LARGE1: variants seen among roughly 807,000 people sequenced by gnomAD.
The protein encoded by LARGE1 is LARGE xylosyl- and glucuronyltransferase 1, also known as xylosyl- and glucuronyltransferase LARGE1.
Under a neutral mutation model 87.6 loss-of-function variants are expected in LARGE1, and 43 were observed. The ratio of observed to expected loss-of-function variants is 0.49; its 90% CI spans 0.38 to 0.63. The LOEUF (loss-of-function observed/expected upper bound fraction) is 0.63, where lower values mean the gene tolerates loss of function less well. Among genes scored for constraint, LARGE1 ranks in the 30% least tolerant of loss-of-function variants. The probability of loss-of-function intolerance (pLI) is 0.00; values close to 1 mark genes in which losing one functional copy is unlikely to be tolerated. For synonymous variants in LARGE1, 434 were observed against 394.6 expected (o/e 1.10, Z -1.18); for missense variants, 802 against 1,000.2 (o/e 0.80, Z 2.67).
intron 11 of LARGE1, among the ~76,000 whole-genome samples, chr22:33,222,187 A>G (rs1172106354): frequency 6.6e-6 from 1 of 152,236 alleles, no homozygotes; most frequent in African/African-American, 2.4e-5. Flanking sequence ...CTAAGAAAAA[A>G]GAAAAAGGGC....
intron 5 of LARGE1, among the ~76,000 whole-genome samples, chr22:33,602,013 C>A (rs1426842525): frequency 1.3e-5 from 2 of 152,158 alleles, no homozygotes; most frequent in African/African-American, 4.8e-5. Context: ...ACTCCTTCAA[C>A]TTCTTAGCTG....
At chr22:33,773,323 A>G (rs1304822910) in intron 1 of LARGE1, among the ~76,000 whole-genome samples, 1 of 152,222 alleles carries the variant, frequency 6.6e-6, no homozygotes, top group Non-Finnish European at 1.5e-5. Flanking sequence ...GCTCTCAAAC[A>G]AACATTGAAA....
In LARGE1 at chr22:33,835,049, A is replaced by AT. The variant is rs539787894; in HGVS notation, c.-82-73492dup. ...AGAATAACCATGTTCAGAGAAATGG[A>AT]TTTTGTTTCTCTTCACCCAGATGAG... On this transcript the variant is annotated intron_variant, in intron 1 of 14. Transcript: ENST00000397394. 3.9e-5 allele frequency among the ~76,000 whole-genome samples: 6 copies of AT among 152,298 alleles called. No homozygotes were observed. In the East Asian group the frequency reaches 1.2e-3, roughly 29 times the overall value.
intron 10 of LARGE1, among the ~76,000 whole-genome samples, chr22:33,327,771 G>A (rs1262718116): frequency 2.0e-5 from 3 of 152,066 alleles, no homozygotes; most frequent in African/African-American, 7.2e-5. Flanking sequence ...AGAACTCCTG[G>A]GGCTCAAGTG....
At chr22:33,759,002 T>C (rs2084623992) in intron 2 of LARGE1, among the ~76,000 whole-genome samples, 1 of 152,200 alleles carries the variant, frequency 6.6e-6, no homozygotes, top group South Asian at 2.1e-4. Flanking sequence ...ATTAGTGAAT[T>C]AGCAAAAGGA....
chr22:33,651,239 A>AAAAAAAAAAAAAAAAAAAAAAC (rs2080798990), intron 2 of LARGE1, among the ~76,000 whole-genome samples: 1 of 144,204 alleles, frequency 6.9e-6, no homozygotes, highest in African/African-American at 2.5e-5. Context: ...AAAAAAAAAA[A>AAAAAAAAAAAAAAAAAAAAAAC]AAATTAGCCG....
chr22:33,789,227 C>A (rs769330806), intron 1 of LARGE1, among the ~76,000 whole-genome samples: 1 of 152,208 alleles, frequency 6.6e-6, no homozygotes, highest in East Asian at 1.9e-4. Flanking sequence ...CAGGCCATTG[C>A]TTCGGAGGGT....
At chr22:33,269,115 A>AAATGGGG (rs1179734789), downstream of LARGE1, among the ~76,000 whole-genome samples, 5 of 152,244 alleles carry the variant, frequency 3.3e-5, no homozygotes, top group African/African-American at 1.2e-4. Context: ...TAAAGTATTT[A>AAATGGGG]AATTTAAAGG....
intron 9 of LARGE1, among the ~76,000 whole-genome samples, chr22:33,338,194 T>A (rs1205497690): frequency 6.6e-6 from 1 of 152,074 alleles, no homozygotes; most frequent in Non-Finnish European, 1.5e-5. Flanking sequence ...AGAGGGAGCA[T>A]GACTGGGACA....
intron 7 of LARGE1, among the ~76,000 whole-genome samples, chr22:33,430,123 G>A (rs1260933651): frequency 6.6e-6 from 1 of 152,182 alleles, no homozygotes; most frequent in Non-Finnish European, 1.5e-5. Context: ...TTCAAGCAAG[G>A]CAGGTTGGTA....
intron 1 of LARGE1, among the ~76,000 whole-genome samples, chr22:33,779,993 G>C (rs558349069): frequency 7.3e-6 from 1 of 137,028 alleles, no homozygotes; most frequent in South Asian, 2.2e-4. Flanking sequence ...CTGTGGGCTA[G>C]AAGTTCAAGA....
chr22:33,752,153 T>A (rs1012394561), intron 2 of LARGE1, among the ~76,000 whole-genome samples: 4 of 152,196 alleles, frequency 2.6e-5, no homozygotes, highest in Non-Finnish European at 5.9e-5. Context: ...ATAACGCTGA[T>A]GTGAGCACTC....
chr22:33,643,067 T>A (rs954093858), intron 3 of LARGE1, among the ~76,000 whole-genome samples: 2 of 152,080 alleles, frequency 1.3e-5, no homozygotes, highest in African/African-American at 4.8e-5. Flanking sequence ...TCTACGGAAC[T>A]CCCCACCCCA....
intron 6 of LARGE1, among the ~76,000 whole-genome samples, chr22:33,459,441 CTTTT>C (rs3071562): frequency 9.4e-5 from 12 of 128,312 alleles, no homozygotes; most frequent in Admixed American, 3.2e-4. Context: ...CGCTCTCTCT[CTTTT>C]TTTTTTTTTT....
intron 2 of LARGE1, among the ~76,000 whole-genome samples, chr22:33,691,817 G>A (rs2082108115): frequency 6.6e-6 from 1 of 152,198 alleles, no homozygotes; most frequent in African/African-American, 2.4e-5. Context: ...CTTGGCCTAG[G>A]AGGGGTGGAC....
intron 5 of LARGE1, among the ~76,000 whole-genome samples, chr22:33,602,798 C>G (rs1299510434): frequency 6.6e-6 from 1 of 152,186 alleles, no homozygotes; most frequent in Non-Finnish European, 1.5e-5. Flanking sequence ...CAGGCATGAG[C>G]CACTACGCCC....
intron 2 of LARGE1, among the ~76,000 whole-genome samples, chr22:33,681,931 C>T (rs2081786542): frequency 6.6e-6 from 1 of 152,196 alleles, no homozygotes; most frequent in Non-Finnish European, 1.5e-5. Flanking sequence ...TTAACTGCCC[C>T]AGGCTGATCA....
At chr22:33,186,113 A>C (rs1415205595) in intron 11 of LARGE1, among the ~76,000 whole-genome samples, 2 of 152,192 alleles carry the variant, frequency 1.3e-5, no homozygotes, top group Non-Finnish European at 2.9e-5. Context: ...ATGGGAAAAA[A>C]ATCAATCGCA....
chr22:33,476,071 C>T lies in LARGE1; in HGVS notation c.788-43806G>A, dbSNP rs114650923. ...AAACAAAAGCTACGTATCTTCCTCA[C>T]AATTTGGCCACAAGGAAATTCCCTG... On this transcript the variant is annotated intron_variant, in intron 6 of 14. Coordinates refer to ENST00000397394, the MANE Select transcript of LARGE1 (RefSeq NM_133642.5). Among the ~76,000 whole-genome samples the T allele has an allele frequency of 4.7e-3, 709 of 152,354 alleles. 3 individuals carry two copies. The highest frequency in any genetic ancestry group is 0.016 in the African/African-American group (660 of 41,576).
Sources: gnomAD v4.1 joint callset for allele counts (sites outside exome capture counted in the v4.1 genomes callset) on GRCh38, gnomAD v4.1.1 for gene constraint, MANE v1.5 for transcripts, NCBI Gene and HGNC (gene_info 2026-07-23, HGNC 2026-07-21) for gene names.